Variants in GPC5 observed in about 807,000 individuals in gnomAD.
The protein encoded by GPC5 is glypican 5.
In GPC5, 47 loss-of-function variants were observed where a neutral mutation model predicts 53.9. That is an observed-to-expected ratio of 0.87 (90% CI 0.69 to 1.11). The LOEUF (loss-of-function observed/expected upper bound fraction) is 1.11. Among genes scored for constraint, GPC5 ranks in the 50% most tolerant of loss-of-function variants. GPC5 has a pLI of 0.00. For missense variants in GPC5, 748 were observed against 713.1 expected, an observed-to-expected ratio of 1.05 and a Z score of -0.56; for synonymous variants, 286 against 263.3, an observed-to-expected ratio of 1.09 and a Z score of -0.84.
intron 7 of GPC5, among the ~76,000 whole-genome samples, chr13:92,820,618 T>G (rs1182764565): frequency 2.6e-5 from 4 of 152,166 alleles, no homozygotes; most frequent in Admixed American, 2.6e-4. Context: ...TCCCTCTCCC[T>G]TGTCCCACTT....
chr13:92,354,154 C>A (rs1163029276), intron 7 of GPC5, among the ~76,000 whole-genome samples: 2 of 152,166 alleles, frequency 1.3e-5, no homozygotes, highest in Non-Finnish European at 2.9e-5. Context: ...GTCATATGTG[C>A]CCTGAACTTG....
chr13:92,168,516 T>C (rs1473211510), intron 7 of GPC5, among the ~76,000 whole-genome samples: 1 of 152,056 alleles, frequency 6.6e-6, no homozygotes, highest in African/African-American at 2.4e-5. Flanking sequence ...CATTAAAAAG[T>C]GGGCAAAGGA....
intron 7 of GPC5, among the ~76,000 whole-genome samples, chr13:92,862,800 G>T (rs1044993368): frequency 6.6e-6 from 1 of 152,122 alleles, no homozygotes; most frequent in African/African-American, 2.4e-5. Flanking sequence ...CAATGTATAC[G>T]TTCTTGTCCA....
intron 7 of GPC5, among the ~76,000 whole-genome samples, chr13:92,663,856 CTATATAT>C (rs1221022530): frequency 3.4e-5 from 3 of 88,340 alleles, no homozygotes; most frequent in African/African-American, 1.5e-4. Context: ...CACACACACA[CTATATAT>C]ATATATATAT....
chr13:91,939,673 G>T (rs1431978642), intron 6 of GPC5, among the ~76,000 whole-genome samples: 3 of 152,122 alleles, frequency 2.0e-5, no homozygotes, highest in African/African-American at 4.8e-5. Context: ...GGATTTATTG[G>T]TTTGACAGTA....
At chr13:92,691,783 T>A (rs983289204) in intron 7 of GPC5, among the ~76,000 whole-genome samples, 4 of 152,002 alleles carry the variant, frequency 2.6e-5, no homozygotes, top group East Asian at 3.9e-4. Context: ...TTTTTTTTTT[T>A]ATACCTTAAA....
intron 7 of GPC5, among the ~76,000 whole-genome samples, chr13:92,500,603 C>G (rs913376276): frequency 1.3e-5 from 2 of 152,080 alleles, no homozygotes; most frequent in African/African-American, 4.8e-5. Context: ...TTCTGGCCTT[C>G]CAAGATAGTT....
intron 3 of GPC5, among the ~76,000 whole-genome samples, chr13:91,698,831 A>C (rs1468915939): frequency 6.6e-6 from 1 of 152,230 alleles, no homozygotes; most frequent in African/African-American, 2.4e-5. Context: ...GATGAAGAAG[A>C]GGTGGCAGAG....
intron 2 of GPC5, among the ~76,000 whole-genome samples, chr13:91,536,577 T>C (rs1886600979): frequency 6.6e-6 from 1 of 152,196 alleles, no homozygotes; most frequent in Non-Finnish European, 1.5e-5. Context: ...CAGGCTTGGT[T>C]CCTTCTGAGG....
intron 7 of GPC5, among the ~76,000 whole-genome samples, chr13:92,171,387 CT>C (rs1159985717): frequency 2.0e-5 from 3 of 152,136 alleles, no homozygotes; most frequent in Non-Finnish European, 4.4e-5. Context: ...ACACACACCC[CT>C]ATATTCACCT....
chr13:91,423,578 G>A (rs762023451), intron 1 of GPC5, among the ~76,000 whole-genome samples: 7 of 152,100 alleles, frequency 4.6e-5, no homozygotes, highest in Non-Finnish European at 1.0e-4. Flanking sequence ...GTAGAGGGGG[G>A]GTGTGGGGTG....
chr13:91,533,664 G>T (rs1489702292), intron 2 of GPC5, among the ~76,000 whole-genome samples: 1 of 152,160 alleles, frequency 6.6e-6, no homozygotes, highest in Non-Finnish European at 1.5e-5. Flanking sequence ...TGCTCCAAAT[G>T]ATTAGCACAG....
chr13:92,200,351 C>T (rs552722520), intron 7 of GPC5, among the ~76,000 whole-genome samples: 1 of 152,218 alleles, frequency 6.6e-6, no homozygotes, highest in Admixed American at 6.5e-5. Flanking sequence ...GGCTGTATTA[C>T]CCTTAATCAT....
At chr13:92,831,465 C>T (rs1807957114) in intron 7 of GPC5, among the ~76,000 whole-genome samples, 1 of 152,098 alleles carries the variant, frequency 6.6e-6, no homozygotes, top group Admixed American at 6.6e-5. Context: ...CCTCCTCTTA[C>T]ACATCTTAAT....
intron 7 of GPC5, among the ~76,000 whole-genome samples, chr13:92,557,545 CT>C (rs1337115243): frequency 6.6e-6 from 1 of 151,904 alleles, no homozygotes; most frequent in African/African-American, 2.4e-5. Flanking sequence ...CATTTTAAAA[CT>C]TTTTCATGAA....
chr13:92,376,905 A>G (rs2043699123), intron 7 of GPC5, among the ~76,000 whole-genome samples: 1 of 152,020 alleles, frequency 6.6e-6, no homozygotes, highest in Admixed American at 6.6e-5. Flanking sequence ...AATCCCAGCT[A>G]TTTGGGAGGC....
intron 5 of GPC5, among the ~76,000 whole-genome samples, chr13:91,905,309 A>G (rs995272628): frequency 5.3e-5 from 8 of 151,698 alleles, no homozygotes; most frequent in African/African-American, 1.9e-4. Flanking sequence ...CTCTCTCTAT[A>G]TATTTATTTA....
At chr13:92,195,177 A>G (rs374981360) in intron 7 of GPC5, among the ~76,000 whole-genome samples, 2 of 152,302 alleles carry the variant, frequency 1.3e-5, no homozygotes, top group East Asian at 3.9e-4. Context: ...TTTCTCATAC[A>G]ATAAAATAGT....
chr13:92,763,618 T>C (rs1875279327), intron 7 of GPC5, among the ~76,000 whole-genome samples: 3 of 152,166 alleles, frequency 2.0e-5, no homozygotes, highest in African/African-American at 7.2e-5. Context: ...CTCAAGACCC[T>C]GGGGTCAGGT....
Sources: allele counts gnomAD v4.1 joint callset (sites outside exome capture counted in the v4.1 genomes callset), GRCh38; gene constraint gnomAD v4.1.1; transcripts MANE v1.5; gene names NCBI Gene and HGNC (gene_info 2026-07-23, HGNC 2026-07-21).